The following MEF2B variants were observed in gnomAD, a reference collection of about 807,000 sequenced individuals.
MEF2B encodes the protein myocyte enhancer factor 2B.
In MEF2B, 15 loss-of-function variants were observed where a neutral mutation model predicts 32.2. The ratio of observed to expected loss-of-function variants is 0.47; its 90% CI spans 0.31 to 0.72. The LOEUF (loss-of-function observed/expected upper bound fraction) is 0.72. MEF2B is among the 30% of genes least tolerant of loss of function. The pLI is 0.05. For missense variants in MEF2B, 441 were observed against 511.5 expected (o/e 0.86, Z 1.33); for synonymous variants, 205 against 225.6 (o/e 0.91, Z 0.82).
At chr19:19,161,181 A>T (rs2060158796) in intron 1 of MEF2B, among the ~76,000 whole-genome samples, 1 of 151,976 alleles carries the variant, frequency 6.6e-6, no homozygotes, top group South Asian at 2.1e-4. Flanking sequence ...ATGGGTCCTG[A>T]TGCCTCTCAG....
chr19:19,168,775 T>G (rs1411114985), intron 1 of MEF2B, among the ~76,000 whole-genome samples: 1 of 152,060 alleles, frequency 6.6e-6, no homozygotes, highest in African/African-American at 2.4e-5. Flanking sequence ...AAAAACAATT[T>G]TTTTTGGCCA....
rs562187293 is a variant in MEF2B, at chr19:19,150,083, CAAAAAA to C, written c.54+593_54+598del. Among the ~76,000 whole-genome samples the C allele has an allele frequency of 1.0e-2, 458 of 45,896 alleles. 8 individuals are homozygous for C. The highest frequency in any genetic ancestry group is 0.041 in the African/African-American group (428 of 10,410). 30.1% of individuals were successfully genotyped at this position (45,896 alleles called of 152,430 possible). On this transcript the variant is annotated intron_variant, in intron 2 of 8. Coordinates refer to ENST00000424583, the MANE Select transcript of MEF2B (RefSeq NM_001145785.2). ...CTGGGCAACAAAGTGAACTCCATCT[CAAAAAA>C]AAAAAAAAAAAAAAAAAGGAAGGAT...
Position 19,147,107 on chromosome 19 carries a change from A to G in MEF2B, c.470T>C (p.Leu157Pro), listed in dbSNP as rs772177544. ...GCTCTGGGCGGGCAGTGCTTCCCCA[A>G]GCCCACTGGGGTCACAGCCTGGTGG... ...LPPPGCDPSGLGEALPAQSRP... is the reference protein window; with the variant it reads ...LPPPGCDPSGPGEALPAQSRP... Residue 157 changes from leucine to proline, a missense_variant, in exon 5 of 9, where the codon CTT becomes CCT. By Grantham distance (98) the Leu-to-Pro change is moderately conservative. Around this residue, in one of 2 missense-constraint regions of MEF2B, gnomAD observed 326 missense variants for 328.4 expected, o/e 0.99. Coordinates refer to ENST00000424583, the MANE Select transcript of MEF2B (RefSeq NM_001145785.2). 1.2e-6 allele frequency: 2 copies of G among 1,608,734 alleles called. No individual in the cohort carries two copies. Among genetic ancestry groups the G allele is most frequent in the Non-Finnish European group, 1.7e-6 (2 of 1,178,518 alleles).
chr19:19,153,438 T>C (rs886433017), intron 1 of MEF2B, among the ~76,000 whole-genome samples: 2 of 152,100 alleles, frequency 1.3e-5, no homozygotes, highest in Admixed American at 6.6e-5. Flanking sequence ...TTGGGTTTCC[T>C]TCTTTTAATT....
chr19:19,159,647 G>T (rs982005430), intron 1 of MEF2B, among the ~76,000 whole-genome samples: 5 of 152,136 alleles, frequency 3.3e-5, no homozygotes, highest in Non-Finnish European at 7.3e-5. Context: ...GTGGGGGTGA[G>T]GGGGAATTGG....
At chr19:19,158,559 A>C (rs1330871025) in intron 1 of MEF2B, among the ~76,000 whole-genome samples, 2 of 144,308 alleles carry the variant, frequency 1.4e-5, no homozygotes, top group African/African-American at 5.2e-5. Flanking sequence ...GGAGTTCAAG[A>C]CCAGCCTGGG....
chr19:19,160,713 G>A (rs1360156749), intron 1 of MEF2B, among the ~76,000 whole-genome samples: 7 of 152,172 alleles, frequency 4.6e-5, no homozygotes, highest in South Asian at 4.1e-4. Context: ...CAGGCCTGCC[G>A]CCCCGCCTCA....
chr19:19,155,812 G>A (rs1427660283), intron 1 of MEF2B, among the ~76,000 whole-genome samples: 1 of 152,194 alleles, frequency 6.6e-6, no homozygotes, highest in Non-Finnish European at 1.5e-5. Flanking sequence ...GGCAGCACAG[G>A]CTGAATGTGC....
At position 19,145,602 on chromosome 19, in the gene MEF2B, G is replaced by A; in HGVS notation, c.*195C>T. On this transcript the variant is annotated 3_prime_UTR_variant, in exon 9 of 9. Transcript: ENST00000424583. This position sits in a 1 kb window ranked among gnomAD's most constrained non-coding sequence, Gnocchi z 4.6. Reference sequence around the variant, plus strand: ...GGACGCCACGCGCGTTTTATTTGTGGATATACACACAAATAGGAAGAAGGA... The same window carrying A: ...GGACGCCACGCGCGTTTTATTTGTGAATATACACACAAATAGGAAGAAGGA... The A allele has an allele frequency of 4.6e-6, 6 of 1,300,440 alleles. No individual in the cohort carries two copies. The highest frequency in any genetic ancestry group is 5.2e-6 in the Non-Finnish European group (5 of 954,812). The allele number at this position is 1,300,440 out of a possible 1,614,324, so 80.6% of individuals were successfully genotyped here.
intron 1 of MEF2B, among the ~76,000 whole-genome samples, chr19:19,166,282 C>A (rs996569369): frequency 3.9e-5 from 6 of 152,122 alleles, no homozygotes; most frequent in Admixed American, 6.5e-5. Flanking sequence ...CCAAGAAACT[C>A]AATCCTGGGC....
At chr19:19,152,814 G>C (rs1250268525) in intron 1 of MEF2B, among the ~76,000 whole-genome samples, 1 of 152,184 alleles carries the variant, frequency 6.6e-6, no homozygotes, top group Non-Finnish European at 1.5e-5. Context: ...GCCCAGAAGT[G>C]TTAGATACCT....
chr19:19,150,419 C>T (rs1423762785), intron 2 of MEF2B, among the ~76,000 whole-genome samples: 1 of 150,906 alleles, frequency 6.6e-6, no homozygotes, highest in Non-Finnish European at 1.5e-5. Context: ...CCCAGCTACT[C>T]AGGAGGCTGA....
In MEF2B at chr19:19,146,299, C is replaced by G. The variant is rs1005565654; in HGVS notation, c.855G>C (p.Gly285=). Residue 285 remains glycine (G), a synonymous_variant, in exon 8 of 9, where the codon GGG becomes GGC. Transcript: ENST00000424583. ...LAPWQPSRGD[G]PPAVSSQPSG... ...TGGGCTGGGAGGACACGGCGGGGGG[C>G]CCATCACCCCTCGAGGGCTGCCAGG... 2 of 1,333,088 alleles carry G rather than the reference C, an allele frequency of 1.5e-6. No homozygotes were observed. Among genetic ancestry groups the G allele is most frequent in the African/African-American group, 1.5e-5 (1 of 65,504 alleles). The allele number at this position is 1,333,088 out of a possible 1,614,324, so 82.6% of individuals were successfully genotyped here. A position where few individuals can be genotyped will look rare whatever the true frequency, so the allele number is the denominator to read the frequency against.
Position 19,152,021 on chromosome 19 carries a change from C to T in MEF2B, c.-29-1257G>A, listed in dbSNP as rs773615827. ...TGTTGCCCAGGCTGGAGGGCAATGG[C>T]GCGATCTCGGCTCACTAAAACCTCC... On this transcript the variant is annotated intron_variant, in intron 1 of 8. Transcript: ENST00000424583. Among the ~76,000 whole-genome samples, 13 of 143,574 alleles carry T rather than the reference C, an allele frequency of 9.1e-5. 1 individual carries two copies. In the South Asian group the frequency reaches 1.3e-3, roughly 15 times the overall value. 94.2% of individuals were successfully genotyped at this position (143,574 alleles called of 152,430 possible).
chr19:19,151,225 C>T (rs1265900477), intron 1 of MEF2B, among the ~76,000 whole-genome samples: 1 of 152,074 alleles, frequency 6.6e-6, no homozygotes, highest in Non-Finnish European at 1.5e-5. Context: ...TGCACTCCAG[C>T]GTGGGCAACA....
At chr19:19,162,961 C>T (rs1247511410) in intron 1 of MEF2B, among the ~76,000 whole-genome samples, 1 of 152,138 alleles carries the variant, frequency 6.6e-6, no homozygotes, top group Non-Finnish European at 1.5e-5. Context: ...AGACTCCCAG[C>T]CCACCTTCTG....
Position 19,145,859 on chromosome 19 carries a change from C to T in MEF2B, c.1045G>A (p.Glu349Lys). The T allele has an allele frequency of 1.3e-6, 2 of 1,488,972 alleles. No homozygotes were observed. Among genetic ancestry groups the T allele is most frequent in the South Asian group, 2.6e-5 (2 of 76,448 alleles). 92.2% of individuals were successfully genotyped at this position (1,488,972 alleles called of 1,614,324 possible). The change falls in exon 9 of 9, where the codon GAG becomes AAG. Residue 349 changes from glutamate to lysine, a missense_variant. Physicochemically the swap from Glu to Lys is moderately conservative, Grantham distance 56. Around this residue, in one of 2 missense-constraint regions of MEF2B, gnomAD observed 326 missense variants for 328.4 expected, o/e 0.99. Transcript: ENST00000424583. This position sits in a 1 kb window ranked among gnomAD's most constrained non-coding sequence, Gnocchi z 4.6. ...AGGGCGGGCCCAGGCCGCAGAGGCT[C>T]TGCCAGGGACCGGGCGAGGAGCAAG... ...YPLLLARSLA[E>K]PLRPGPALRR...
chr19:19,168,021 T>C (rs2060223366), intron 1 of MEF2B, among the ~76,000 whole-genome samples: 1 of 152,198 alleles, frequency 6.6e-6, no homozygotes, highest in African/African-American at 2.4e-5. Context: ...CCCCCTTTAC[T>C]GAACAACAGG....
intron 1 of MEF2B, among the ~76,000 whole-genome samples, chr19:19,164,900 C>T (rs995809054): frequency 2.0e-5 from 3 of 152,128 alleles, no homozygotes; most frequent in African/African-American, 7.2e-5. Context: ...GTTTTCCTCT[C>T]TTTGTTCCAG....
Sources: gnomAD v4.1 joint callset for allele counts (sites outside exome capture counted in the v4.1 genomes callset) on GRCh38, gnomAD v4.1.1 for gene constraint, gnomAD v4.1.1 regional missense constraint, Gnocchi (gnomAD v3.1) non-coding constraint, MANE v1.5 for transcripts, NCBI Gene and HGNC (gene_info 2026-07-23, HGNC 2026-07-21) for gene names.